Variants in STARD8 observed in about 807,000 individuals in gnomAD.
STARD8 encodes stAR-related lipid transfer protein 8.
STARD8 carries 25 observed loss-of-function variants against 69.4 expected under a neutral mutation model. The ratio of observed to expected loss-of-function variants is 0.36; its 90% CI spans 0.26 to 0.50. STARD8 has a LOEUF of 0.50. STARD8 is among the 20% of genes least tolerant of loss of function. The pLI is 0.96. For synonymous variants in STARD8, 389 were observed against 374.6 expected (o/e 1.04, Z -0.45); for missense variants, 921 against 932.5 (o/e 0.99, Z 0.16).
chrX:68,717,055 T>C, intron 5 of STARD8, 157 bp from the exon 6 acceptor site: 2 of 620,547 alleles, frequency 3.2e-6, no homozygotes, highest in South Asian at 1.7e-4. Flanking sequence ...CCTCTGGCAC[T>C]CCCAGAGCTA....
At chrX:68,649,037 G>A (rs1197065695) in intron 1 of STARD8, among the ~76,000 whole-genome samples, 5 of 112,301 alleles carry the variant, frequency 4.5e-5, no homozygotes, top group Non-Finnish European at 9.4e-5. Flanking sequence ...TCTTGACGCT[G>A]TGTGGTTTCC....
chrX:68,681,585 T>G (rs181033182), intron 2 of STARD8, among the ~76,000 whole-genome samples: 190 of 112,818 alleles, frequency 1.7e-3, no homozygotes, highest in African/African-American at 5.5e-3. Context: ...CCCAACTCCC[T>G]GGGGAGATAT....
At chrX:68,685,222 C>T (rs746859996) in intron 2 of STARD8, among the ~76,000 whole-genome samples, 2 of 111,803 alleles carry the variant, frequency 1.8e-5, no homozygotes, top group South Asian at 7.5e-4. Context: ...TTCATTATTC[C>T]CATCGTGTCA....
chrX:68,662,646 A>C (rs753902935), intron 1 of STARD8, among the ~76,000 whole-genome samples: 1 of 111,051 alleles, frequency 9.0e-6, no homozygotes, highest in South Asian at 3.8e-4. Flanking sequence ...ATCCTTTTCT[A>C]TTCTCTCCCT....
rs766188656 is a variant in STARD8 at position 68,722,506 on chromosome X, C to T, written c.2659C>T (p.Arg887Cys). The stretch of plus-strand genomic sequence containing the variant: ...TCCCGGCCCAGCCCTGGCTGAGCTG[C>T]GTCAGGCCCAAGCTGCAGGGGTAAG... ...SPPGPALAEL[R>C]QAQAAGVSLS... Residue 887 changes from arginine (R) to cysteine (C), a missense_variant, in exon 12 of 15, where the codon CGT becomes TGT. Coordinates refer to ENST00000374599, the MANE Select transcript of STARD8 (RefSeq NM_001142503.3). 20 of 1,209,970 alleles carry T rather than the reference C, an allele frequency of 1.7e-5. No homozygotes were observed. The highest frequency in any genetic ancestry group is 2.3e-4 in the Middle Eastern group (1 of 4,351).
chrX:68,655,119 A>G (rs902427812), intron 1 of STARD8, among the ~76,000 whole-genome samples: 3 of 111,578 alleles, frequency 2.7e-5, no homozygotes, highest in African/African-American at 9.8e-5. Flanking sequence ...AGTTGCCTCT[A>G]TCACATCTTA....
rs1431917396 is a variant in STARD8 at position 68,689,269 on chromosome X, C to T, written c.80-23645C>T. Reference sequence around the variant, plus strand: ...CGGTGACCCCATCTATTTGTTAGGGCTGGGCAGGCAGACCTCCCCGAGGCG... The same window carrying T: ...CGGTGACCCCATCTATTTGTTAGGGTTGGGCAGGCAGACCTCCCCGAGGCG... On this transcript the variant is annotated intron_variant, in intron 2 of 14. Coordinates refer to ENST00000374599, the MANE Select transcript of STARD8 (RefSeq NM_001142503.3). 6.8e-5 allele frequency among the ~76,000 whole-genome samples: 6 copies of T among 88,306 alleles called. No individual in the cohort carries two copies. In the Admixed American group the frequency reaches 8.3e-4, roughly 12 times the overall value. 76.7% of individuals were successfully genotyped at this position (88,306 alleles called of 115,157 possible). A position where few individuals can be genotyped will look rare whatever the true frequency, so the allele number is the denominator to read the frequency against.
At chrX:68,653,365 A>C (rs1460012453) in intron 1 of STARD8, among the ~76,000 whole-genome samples, 2 of 4,909 alleles carry the variant, frequency 4.1e-4, no homozygotes, top group Admixed American at 3.1e-3. Context: ...ACACACCCCC[A>C]AACGCACACC....
intron 2 of STARD8, among the ~76,000 whole-genome samples, chrX:68,697,248 C>T (rs1221683188): frequency 3.6e-5 from 4 of 112,050 alleles, no homozygotes; most frequent in Non-Finnish European, 5.6e-5. Context: ...TTGCCCTGGA[C>T]GTCCATTCTG....
At chrX:68,683,793 T>A (rs2079814186) in intron 2 of STARD8, among the ~76,000 whole-genome samples, 1 of 112,134 alleles carries the variant, frequency 8.9e-6, no homozygotes, top group Admixed American at 9.4e-5. Flanking sequence ...GGTACTTGAA[T>A]ACAAAAGTTA....
chrX:68,652,014 A>AT (rs376303482), intron 1 of STARD8, among the ~76,000 whole-genome samples: 1,283 of 97,800 alleles, frequency 0.013, 18 homozygotes, highest in African/African-American at 0.033. Context: ...CGCCCAGCTA[A>AT]TTTTTTTTTT....
intron 2 of STARD8, among the ~76,000 whole-genome samples, chrX:68,676,640 C>A (rs888907040): frequency 8.9e-6 from 1 of 111,797 alleles, no homozygotes; most frequent in Non-Finnish European, 1.9e-5. Flanking sequence ...GTATATCTGT[C>A]TTATAGCATG....
chrX:68,718,392 C>G lies in STARD8; in HGVS notation c.1478C>G (p.Pro493Arg), dbSNP rs372956816. 1 of 1,208,240 alleles carries G rather than the reference C, an allele frequency of 8.3e-7. No individual in the cohort carries two copies. Residue 493 changes from proline (P) to arginine (R), a missense_variant, in exon 6 of 15, where the codon CCA becomes CGA. Transcript: ENST00000374599. ...CCGGCCCCAGCCCCGGCCCCGGCCC[C>G]AGCCCAGGACAGTGAGCAGGAGGCA... is the stretch of plus-strand genomic sequence containing the variant. ...EAPAPAPAPAPAQDSEQEAHS... is the reference protein window; with the variant it reads ...EAPAPAPAPARAQDSEQEAHS...
At position 68,668,071 on chromosome X, in the gene STARD8, T is replaced by TTCTTTC. The variant is rs1240357665; in HGVS notation, c.79+2541_79+2546dup. ...CTCTCTCTTTCTTTTCTTTCTTTCT[T>TTCTTTC]TCTTTCTTTCTTTCTTTCTTTCTTT... On this transcript the variant is annotated intron_variant, in intron 2 of 14. Transcript: ENST00000374599. 3.4e-5 allele frequency among the ~76,000 whole-genome samples: 3 copies of TTCTTTC among 87,009 alleles called. No individual in the cohort carries two copies. In the East Asian group the frequency reaches 1.1e-3, roughly 32 times the overall value. 75.6% of individuals were successfully genotyped at this position (87,009 alleles called of 115,157 possible). A position where few individuals can be genotyped will look rare whatever the true frequency, so the allele number is the denominator to read the frequency against.
At chrX:68,650,821 C>CAA (rs1158049680) in intron 1 of STARD8, among the ~76,000 whole-genome samples, 13 of 110,439 alleles carry the variant, frequency 1.2e-4, no homozygotes, top group Non-Finnish European at 2.3e-4. Context: ...CAAAACAAAA[C>CAA]AAAACAAAAC....
In STARD8 at chrX:68,711,175, A is replaced by G. The variant is rs914255498; in HGVS notation, c.80-1739A>G. Among the ~76,000 whole-genome samples, 11 of 110,524 alleles carry G rather than the reference A, an allele frequency of 1.0e-4. 1 individual carries two copies. The highest frequency in any genetic ancestry group is 3.6e-4 in the African/African-American group (11 of 30,142). On this transcript the variant is annotated intron_variant, in intron 2 of 14. Coordinates refer to ENST00000374599, the MANE Select transcript of STARD8 (RefSeq NM_001142503.3). ...AGGTCCTGGCGATTCCTAGATCTCT[A>G]TCTTAGGTTAGGAAGTTGCAGTAAC...
In STARD8 at chrX:68,724,457, C is replaced by G. The variant is rs1310991084; in HGVS notation, c.*35C>G. 7 of 1,117,190 alleles carry G rather than the reference C, an allele frequency of 6.3e-6. No homozygotes were observed. Among genetic ancestry groups the G allele is most frequent in the East Asian group, 3.1e-5 (1 of 32,378 alleles). 92.1% of individuals were successfully genotyped at this position (1,117,190 alleles called of 1,213,427 possible). Reference sequence around the variant, plus strand: ...TGGTCCCAGGGTGGCACCACCCAGGCCCCCTGGGCACCAAGGGAGCGAGGG... The same window carrying G: ...TGGTCCCAGGGTGGCACCACCCAGGGCCCCTGGGCACCAAGGGAGCGAGGG... On this transcript the variant is annotated 3_prime_UTR_variant, in exon 15 of 15. Coordinates refer to ENST00000374599, the MANE Select transcript of STARD8 (RefSeq NM_001142503.3).
intron 2 of STARD8, among the ~76,000 whole-genome samples, chrX:68,681,891 TC>T (rs1778995513): frequency 8.9e-6 from 1 of 111,846 alleles, no homozygotes; most frequent in Non-Finnish European, 1.9e-5. Flanking sequence ...GCTCTTTTCC[TC>T]AGTAACATGG....
chrX:68,670,631 G>A (rs999137271), intron 2 of STARD8, among the ~76,000 whole-genome samples: 20 of 111,164 alleles, frequency 1.8e-4, no homozygotes, highest in African/African-American at 5.9e-4. Context: ...GAGAGGGCAT[G>A]GGAACTTCAG....
Sources: allele counts gnomAD v4.1 joint callset (sites outside exome capture counted in the v4.1 genomes callset), GRCh38; gene constraint gnomAD v4.1.1; transcripts MANE v1.5; gene names NCBI Gene and HGNC (gene_info 2026-07-23, HGNC 2026-07-21).